The following FAM171A1 variants were observed in gnomAD, a reference collection of about 807,000 sequenced individuals.
FAM171A1 encodes the protein protein FAM171A1.
A neutral mutation model predicts 74.9 loss-of-function variants in FAM171A1; 23 were observed. The ratio of observed to expected loss-of-function variants is 0.31; its 90% CI spans 0.22 to 0.44. The LOEUF is 0.44. FAM171A1 is among the 20% of genes least tolerant of loss of function. The pLI is 1.00. For synonymous variants in FAM171A1, 527 were observed against 505.7 expected, an observed-to-expected ratio of 1.04 and a Z score of -0.57; for missense variants, 1,162 against 1,159.2, an observed-to-expected ratio of 1.00 and a Z score of -0.03.
chr10:15,324,638 G>A lies in FAM171A1; in HGVS notation c.98-40533C>T, dbSNP rs116178045. On this transcript the variant is annotated intron_variant, in intron 1 of 7. Transcript: ENST00000378116. Reference sequence around the variant, plus strand: ...TGGTGGCTTCACTCACACTGCACACGTCTAACCAAGGAATGTTTAGAGGTT... The same window carrying A: ...TGGTGGCTTCACTCACACTGCACACATCTAACCAAGGAATGTTTAGAGGTT... 5.8e-3 allele frequency among the ~76,000 whole-genome samples: 886 copies of A among 152,084 alleles called. 7 individuals are homozygous for A. Among genetic ancestry groups the A allele is most frequent in the African/African-American group, 0.02 (837 of 41,474 alleles).
At position 15,305,916 on chromosome 10, in the gene FAM171A1, A is replaced by T. The variant is rs558236269; in HGVS notation, c.98-21811T>A. ...GGGGACAGACATAGGAGGAAGACTA[A>T]CGCCAAACTTCAGATCCTCTCTCAA... On this transcript the variant is annotated intron_variant, in intron 1 of 7. Coordinates refer to ENST00000378116, the MANE Select transcript of FAM171A1 (RefSeq NM_001010924.2). 2.0e-5 allele frequency among the ~76,000 whole-genome samples: 3 copies of T among 152,292 alleles called. No homozygotes were observed. The South Asian group carries it at 6.2e-4, about 32-fold the overall frequency.
At chr10:15,313,627 G>A (rs55742951) in intron 1 of FAM171A1, among the ~76,000 whole-genome samples, 34,852 of 152,136 alleles carry the variant, frequency 0.23, 4,194 homozygotes, top group Admixed American at 0.27. Context: ...TTTGTAACTC[G>A]TGAGTTTTTG....
chr10:15,317,824 T>C lies in FAM171A1; in HGVS notation c.98-33719A>G, dbSNP rs182525802. Among the ~76,000 whole-genome samples the C allele has an allele frequency of 2.2e-3, 330 of 152,312 alleles. 2 individuals carry two copies. The highest frequency in any genetic ancestry group is 7.4e-3 in the African/African-American group (308 of 41,556). On this transcript the variant is annotated intron_variant, in intron 1 of 7. Transcript: ENST00000378116. Reference sequence around the variant, plus strand: ...TTTACTTTTTGAGACAGGGTCTTGCTCTGTTGCCCAGGCTGGAGTGCAGTG... The same window carrying C: ...TTTACTTTTTGAGACAGGGTCTTGCCCTGTTGCCCAGGCTGGAGTGCAGTG...
At chr10:15,245,311 C>T (rs961582007) in intron 5 of FAM171A1, among the ~76,000 whole-genome samples, 4 of 152,178 alleles carry the variant, frequency 2.6e-5, no homozygotes, top group Non-Finnish European at 4.4e-5. Context: ...AGGTGATCTG[C>T]CTGTCTTGGC....
chr10:15,372,092 G>C (rs118114017), upstream of FAM171A1, among the ~76,000 whole-genome samples: 58 of 152,260 alleles, frequency 3.8e-4, no homozygotes, highest in East Asian at 0.011. Context: ...CAGATATCCA[G>C]GGTGGAGGGT....
chr10:15,245,970 C>T (rs1222199683), intron 5 of FAM171A1, among the ~76,000 whole-genome samples: 1 of 152,208 alleles, frequency 6.6e-6, no homozygotes, highest in Non-Finnish European at 1.5e-5. Flanking sequence ...CCATTTTCTT[C>T]CTCCCTTTAG....
Position 15,213,655 on chromosome 10 carries a change from G to C in FAM171A1, c.1933C>G (p.Gln645Glu). 6.2e-7 allele frequency: 1 copy of C among 1,614,038 alleles called. No individual in the cohort carries two copies. The highest frequency in any genetic ancestry group is 1.3e-5 in the African/African-American group (1 of 75,072). ...GTGCCCGCATCCTGCAGGTGCTGCT[G>C]AGAGATGGCCTGGGAAGACAGGGGC... is the stretch of plus-strand genomic sequence containing the variant. ...PQPLSSQAISQQHLQDAGTRE... is the reference protein window; with the variant it reads ...PQPLSSQAISEQHLQDAGTRE... The change falls in exon 8 of 8, where the codon CAG becomes GAG. Residue 645 changes from glutamine (Q) to glutamate (E), a missense_variant. Transcript: ENST00000378116. The surrounding 1 kb of genome is among the most constrained non-coding windows in gnomAD (Gnocchi z 6.8).
chr10:15,285,478 T>C (rs1835024524), intron 1 of FAM171A1, among the ~76,000 whole-genome samples: 1 of 152,150 alleles, frequency 6.6e-6, no homozygotes, highest in African/African-American at 2.4e-5. Context: ...AGAATAAGCA[T>C]TCAATTAAGA....
At chr10:15,307,813 C>CTT (rs35420554) in intron 1 of FAM171A1, among the ~76,000 whole-genome samples, 32 of 142,606 alleles carry the variant, frequency 2.2e-4, no homozygotes, top group South Asian at 6.7e-4. Flanking sequence ...GAATTAATGC[C>CTT]TTTTTTTTTT....
chr10:15,301,950 T>C (rs1835234685), intron 1 of FAM171A1, among the ~76,000 whole-genome samples: 2 of 152,184 alleles, frequency 1.3e-5, no homozygotes, highest in African/African-American at 4.8e-5. Flanking sequence ...ACTACGGTCC[T>C]AGAGAAGAAA....
intron 5 of FAM171A1, chr10:15,240,700 G>A: frequency 2.0e-6 from 2 of 984,738 alleles, no homozygotes; most frequent in Non-Finnish European, 2.4e-6. Flanking sequence ...GGATTAAAGT[G>A]TGTGAGTTAG....
chr10:15,233,090 C>A (rs150498476), intron 5 of FAM171A1, among the ~76,000 whole-genome samples: 1 of 151,734 alleles, frequency 6.6e-6, no homozygotes, highest in African/African-American at 2.4e-5. Context: ...GTCAGGAGAT[C>A]GAGACCATCC....
chr10:15,349,948 C>T (rs1835858931), intron 1 of FAM171A1, among the ~76,000 whole-genome samples: 1 of 151,876 alleles, frequency 6.6e-6, no homozygotes, highest in Admixed American at 6.6e-5. Flanking sequence ...CTGGAAAAGC[C>T]AGGCGCTTTG....
At chr10:15,349,265 A>G (rs1835852096) in intron 1 of FAM171A1, among the ~76,000 whole-genome samples, 1 of 152,238 alleles carries the variant, frequency 6.6e-6, no homozygotes, top group Non-Finnish European at 1.5e-5. Flanking sequence ...AACAAGGCTA[A>G]GTGCACATCT....
chr10:15,353,556 G>C (rs1026782412), intron 1 of FAM171A1, among the ~76,000 whole-genome samples: 1 of 152,156 alleles, frequency 6.6e-6, no homozygotes, highest in African/African-American at 2.4e-5. Flanking sequence ...GCAAGAAAAC[G>C]TCCTAAGTTC....
chr10:15,226,540 C>T lies in FAM171A1; in HGVS notation c.755-5480G>A, dbSNP rs1200718165. 2.0e-5 allele frequency among the ~76,000 whole-genome samples: 3 copies of T among 152,212 alleles called. No individual in the cohort carries two copies. In the East Asian group the frequency reaches 5.8e-4, roughly 29 times the overall value. On this transcript the variant is annotated intron_variant, in intron 5 of 7. Transcript: ENST00000378116. ...ACCACAGCCATCCCCAGGACACCTC[C>T]TGAACCATCTGGGAGCTACTCTTCT...
intron 5 of FAM171A1, among the ~76,000 whole-genome samples, chr10:15,228,268 T>C (rs937636972): frequency 1.3e-5 from 2 of 151,872 alleles, no homozygotes; most frequent in African/African-American, 2.4e-5. Flanking sequence ...GAATCTCACA[T>C]GTTAAGAGAT....
rs1043378910 is a variant in FAM171A1 at position 15,288,315 on chromosome 10, T to C, written c.98-4210A>G. Among the ~76,000 whole-genome samples, 5 of 152,322 alleles carry C rather than the reference T, an allele frequency of 3.3e-5. 1 individual carries two copies. The South Asian group carries it at 8.3e-4, about 25-fold the overall frequency. ...TTGATGGATAAAATGGTAGTCCTTTTTTTTTTCATAGGTTTTTGGGGAGCA... is the reference window on the plus strand; with the variant it reads ...TTGATGGATAAAATGGTAGTCCTTTCTTTTTTCATAGGTTTTTGGGGAGCA... On this transcript the variant is annotated intron_variant, in intron 1 of 7. Coordinates refer to ENST00000378116, the MANE Select transcript of FAM171A1 (RefSeq NM_001010924.2).
intron 5 of FAM171A1, among the ~76,000 whole-genome samples, chr10:15,233,661 T>C (rs568508343): frequency 1.3e-5 from 2 of 152,110 alleles, no homozygotes; most frequent in East Asian, 1.9e-4. Context: ...CCCAGCACTT[T>C]GGGAGGCCGA....
Sources: allele counts gnomAD v4.1 joint callset (sites outside exome capture counted in the v4.1 genomes callset), GRCh38; gene constraint gnomAD v4.1.1; non-coding constraint Gnocchi (gnomAD v3.1); transcripts MANE v1.5; gene names NCBI Gene and HGNC (gene_info 2026-07-23, HGNC 2026-07-21).